The following ANKMY2 variants were observed in gnomAD, a reference collection of about 807,000 sequenced individuals.
ANKMY2 encodes the protein ankyrin repeat and MYND domain-containing protein 2.
In ANKMY2, 36 loss-of-function variants were observed where a neutral mutation model predicts 50.4. The observed-to-expected ratio is 0.71, with a 90% CI of 0.55 to 0.94. ANKMY2 has a LOEUF of 0.94. Among genes scored for constraint, ANKMY2 ranks in the 40% least tolerant of loss-of-function variants. The pLI is 0.00. For synonymous variants in ANKMY2, 187 were observed against 178.8 expected (o/e 1.05, Z -0.36); for missense variants, 565 against 524.0 (o/e 1.08, Z -0.76).
At position 16,604,636 on chromosome 7, in the gene ANKMY2, A is replaced by T. The variant is rs1781122729; in HGVS notation, c.1011+85T>A. The T allele has an allele frequency of 2.0e-6, 3 of 1,480,176 alleles. No homozygotes were observed. In the Admixed American group the frequency reaches 6.7e-5, roughly 33 times the overall value. 91.7% of individuals were successfully genotyped at this position (1,480,176 alleles called of 1,614,324 possible). The stretch of plus-strand genomic sequence containing the variant: ...AGAATTTATTAGAAAACTAATGTCC[A>T]CTCTTACAGAATATTAAAACTCAAT... On this transcript the variant is annotated intron_variant, in intron 8 of 9. Transcript: ENST00000306999.
Position 16,627,187 on chromosome 7 carries a change from G to A in ANKMY2, c.133-9C>T, listed in dbSNP as rs771349811. The A allele has an allele frequency of 3.2e-6, 5 of 1,553,010 alleles. No individual in the cohort carries two copies. Among genetic ancestry groups the A allele is most frequent in the Admixed American group, 1.9e-5 (1 of 51,946 alleles). Reference sequence around the variant, plus strand: ...AGAGGAGTCATTCCATTCTTTAATAGAAAGAGGAAAAAAGTATTAATTTTA... The same window carrying A: ...AGAGGAGTCATTCCATTCTTTAATAAAAAGAGGAAAAAAGTATTAATTTTA... On this transcript the variant is annotated splice_polypyrimidine_tract_variant and intron_variant, in intron 2 of 9. Coordinates refer to ENST00000306999, the MANE Select transcript of ANKMY2 (RefSeq NM_020319.3).
chr7:16,607,326 GA>G (rs1781176745), intron 7 of ANKMY2, among the ~76,000 whole-genome samples: 1 of 152,158 alleles, frequency 6.6e-6, no homozygotes, highest in Admixed American at 6.5e-5. Flanking sequence ...AGCACTTTGG[GA>G]GGCCAAGGCG....
intron 2 of ANKMY2, among the ~76,000 whole-genome samples, chr7:16,633,840 G>A (rs1024856308): frequency 2.0e-5 from 3 of 151,806 alleles, no homozygotes; most frequent in African/African-American, 7.3e-5. Context: ...GTGCTATTGC[G>A]ATCTTACAGA....
intron 4 of ANKMY2, among the ~76,000 whole-genome samples, chr7:16,618,095 T>C (rs987471196): frequency 6.6e-6 from 1 of 151,942 alleles, no homozygotes; most frequent in African/African-American, 2.4e-5. Flanking sequence ...ACCTGGCTAA[T>C]CTATTTTGTA....
At chr7:16,638,864 C>CT (rs11437067) in intron 1 of ANKMY2, among the ~76,000 whole-genome samples, 120,278 of 152,078 alleles carry the variant, frequency 0.79, 47,784 homozygotes, top group African/African-American at 0.83. Flanking sequence ...CCTAGCACCC[C>CT]ATTGTTCAGG....
Position 16,643,194 on chromosome 7 carries a change from C to G in ANKMY2, c.67+2313G>C, listed in dbSNP as rs139527219. ...TCAGGAAAAGTCACTTGCCCAAAGG[C>G]CACATCACCAGTAAATGAGTTAGAA... On this transcript the variant is annotated intron_variant, in intron 1 of 9. Coordinates refer to ENST00000306999, the MANE Select transcript of ANKMY2 (RefSeq NM_020319.3). 2.3e-3 allele frequency among the ~76,000 whole-genome samples: 357 copies of G among 152,298 alleles called. 4 individuals carry two copies. Among genetic ancestry groups the G allele is most frequent in the Non-Finnish European group, 3.4e-3 (234 of 68,018 alleles).
intron 7 of ANKMY2, among the ~76,000 whole-genome samples, chr7:16,608,790 C>G (rs1781199660): frequency 6.6e-6 from 1 of 152,142 alleles, no homozygotes; most frequent in East Asian, 1.9e-4. Flanking sequence ...TCACCTGAGT[C>G]AGGAGTTCGA....
At chr7:16,630,693 G>A (rs1781569920) in intron 2 of ANKMY2, among the ~76,000 whole-genome samples, 1 of 152,192 alleles carries the variant, frequency 6.6e-6, no homozygotes, top group African/African-American at 2.4e-5. Context: ...TTACAGTACA[G>A]GTGACTAGAT....
At position 16,625,126 on chromosome 7, in the gene ANKMY2, C is replaced by T. The variant is rs772456325; in HGVS notation, c.272-45G>A. On this transcript the variant is annotated intron_variant, in intron 3 of 9. Transcript: ENST00000306999. ...ACATTTGTTAATGTTAAGGAGGACA[C>T]AATTTAAACATCCCTTTCTAAACTC... The T allele has an allele frequency of 9.6e-6, 14 of 1,453,510 alleles. 1 individual carries two copies. The Middle Eastern group carries it at 5.2e-4, about 54-fold the overall frequency. The allele number at this position is 1,453,510 out of a possible 1,614,324, so 90.0% of individuals were successfully genotyped here.
intron 4 of ANKMY2, among the ~76,000 whole-genome samples, chr7:16,622,357 T>G (rs898192003): frequency 5.9e-5 from 9 of 152,134 alleles, no homozygotes; most frequent in Non-Finnish European, 1.2e-4. Flanking sequence ...ACTATCAGAG[T>G]GGCAAAAATC....
At chr7:16,609,796 G>A (rs1446094248) in intron 6 of ANKMY2, 31 bp from the exon 7 acceptor site, 2 of 1,604,440 alleles carry the variant, frequency 1.2e-6, no homozygotes, top group Admixed American at 1.7e-5. Flanking sequence ...CGTAATTGGA[G>A]TTGAATCACT....
At chr7:16,637,062 G>A (rs1447343178) in intron 1 of ANKMY2, among the ~76,000 whole-genome samples, 1 of 152,048 alleles carries the variant, frequency 6.6e-6, no homozygotes, top group Non-Finnish European at 1.5e-5. Context: ...GCTATAATTG[G>A]GCCAAAGTTG....
Position 16,602,503 on chromosome 7 carries a change from A to G in ANKMY2, c.1018T>C (p.Tyr340His), listed in dbSNP as rs1281046034. The change falls in exon 9 of 10, where the codon TAT (tyrosine) becomes CAT (histidine). Residue 340 changes from tyrosine to histidine, a missense_variant. Tyr to His is a moderately conservative substitution (Grantham distance 83). Coordinates refer to ENST00000306999, the MANE Select transcript of ANKMY2 (RefSeq NM_020319.3). ...KRCSVCKMVI[Y>H]CDQTCQKTHW... is the part of the protein sequence containing the mutation. Reference sequence around the variant, plus strand: ...GTTTTCTGGCAGGTTTGATCACAATATATTACCTGAAAGCAATTGTTGGTT... The same window carrying G: ...GTTTTCTGGCAGGTTTGATCACAATGTATTACCTGAAAGCAATTGTTGGTT... 7.5e-6 allele frequency: 12 copies of G among 1,609,986 alleles called. No homozygotes were observed. The highest frequency in any genetic ancestry group is 9.3e-6 in the Non-Finnish European group (11 of 1,179,104).
intron 5 of ANKMY2, among the ~76,000 whole-genome samples, chr7:16,612,905 A>C (rs1424967016): frequency 6.6e-6 from 1 of 152,200 alleles, no homozygotes; most frequent in Non-Finnish European, 1.5e-5. Context: ...GGCATTAAAA[A>C]CTAGATAAAT....
At chr7:16,606,801 A>C (rs188139909) in intron 7 of ANKMY2, among the ~76,000 whole-genome samples, 2 of 152,342 alleles carry the variant, frequency 1.3e-5, no homozygotes, top group East Asian at 3.9e-4. Context: ...ACTCATTTTG[A>C]AACTACCATG....
intron 2 of ANKMY2, among the ~76,000 whole-genome samples, chr7:16,629,196 A>T (rs1583681101): frequency 6.6e-6 from 1 of 152,340 alleles, no homozygotes; most frequent in East Asian, 1.9e-4. Flanking sequence ...TCACCTTAGC[A>T]GAAATTGGTT....
intron 2 of ANKMY2, among the ~76,000 whole-genome samples, chr7:16,631,789 A>G (rs1781590167): frequency 6.6e-6 from 1 of 151,824 alleles, no homozygotes; most frequent in Non-Finnish European, 1.5e-5. Context: ...TAATTTTTGT[A>G]TTTTTAGTAG....
intron 5 of ANKMY2, 137 bp from the exon 6 acceptor site, chr7:16,610,900 T>C (rs1781240069): frequency 2.7e-6 from 2 of 742,340 alleles, no homozygotes; most frequent in African/African-American, 3.5e-5. Context: ...TGTTATTTGT[T>C]AGAATGCAAA....
At chr7:16,622,472 G>C (rs545989055) in intron 4 of ANKMY2, among the ~76,000 whole-genome samples, 1 of 151,940 alleles carries the variant, frequency 6.6e-6, no homozygotes, top group Non-Finnish European at 1.5e-5. Context: ...TAGGCTGGTC[G>C]TGGTGGCTGT....
Sources: allele counts gnomAD v4.1 joint callset (sites outside exome capture counted in the v4.1 genomes callset), GRCh38; gene constraint gnomAD v4.1.1; transcripts MANE v1.5; gene names NCBI Gene and HGNC (gene_info 2026-07-23, HGNC 2026-07-21).